TMEM132D: variants seen among roughly 807,000 people sequenced by gnomAD.
TMEM132D encodes the protein transmembrane protein 132D, also known as mature OL transmembrane protein.
In TMEM132D, 21 loss-of-function variants were observed where a neutral mutation model predicts 62.3. That is an observed-to-expected ratio of 0.34 (90% confidence interval 0.24 to 0.49). The LOEUF is 0.49. TMEM132D is among the 20% of genes least tolerant of loss of function. The probability of loss-of-function intolerance (pLI) is 0.99; values close to 1 mark genes in which losing one functional copy is unlikely to be tolerated. For synonymous variants in TMEM132D, 621 were observed against 575.6 expected (o/e 1.08, Z -1.13); for missense variants, 1,346 against 1,402.8 (o/e 0.96, Z 0.65).
chr12:129,699,722 G>C, intron 2 of TMEM132D, 88 bp downstream of exon 2: 1 of 1,520,448 alleles, frequency 6.6e-7, no homozygotes, highest in Admixed American at 1.8e-5. Context: ...TTCGGTGAGC[G>C]ATAACACAGC....
intron 3 of TMEM132D, among the ~76,000 whole-genome samples, chr12:129,455,320 A>C (rs912770987): frequency 6.6e-6 from 1 of 152,218 alleles, no homozygotes; most frequent in Non-Finnish European, 1.5e-5. Flanking sequence ...ATCCTTGGAC[A>C]AGGTACTTAA....
rs1243233053 is a variant in TMEM132D, at chr12:129,371,213, T to G, written c.1116-33396A>C. ...CTGACTAAGTTTTCAAAAATATTAC[T>G]TTTTAAATTATTGTTGTTACTGTGG... On this transcript the variant is annotated intron_variant, in intron 3 of 8. Coordinates refer to ENST00000422113, the MANE Select transcript of TMEM132D (RefSeq NM_133448.3). This position sits in a 1 kb window ranked among gnomAD's most constrained non-coding sequence, Gnocchi z 4.3. Among the ~76,000 whole-genome samples the G allele has an allele frequency of 1.3e-5, 2 of 152,160 alleles. No individual in the cohort carries two copies. The highest frequency in any genetic ancestry group is 2.4e-5 in the African/African-American group (1 of 41,444).
At chr12:129,789,464 T>C (rs1871339318) in intron 1 of TMEM132D, among the ~76,000 whole-genome samples, 1 of 152,168 alleles carries the variant, frequency 6.6e-6, no homozygotes, top group Non-Finnish European at 1.5e-5. Flanking sequence ...TGCAAAAATA[T>C]GGAACCAACC....
chr12:129,523,916 G>T (rs35760024), intron 3 of TMEM132D, among the ~76,000 whole-genome samples: 1 of 151,914 alleles, frequency 6.6e-6, no homozygotes, highest in Non-Finnish European at 1.5e-5. Context: ...ATTTACTGGG[G>T]CAAAACTCAG....
chr12:129,252,839 C>T (rs1290193592), intron 4 of TMEM132D, among the ~76,000 whole-genome samples: 12 of 151,970 alleles, frequency 7.9e-5, no homozygotes, highest in Non-Finnish European at 1.2e-4. Flanking sequence ...GGCACATATA[C>T]GCCATGGAAT....
chr12:129,613,604 G>A (rs985580801), intron 2 of TMEM132D, among the ~76,000 whole-genome samples: 2 of 152,226 alleles, frequency 1.3e-5, no homozygotes, highest in Admixed American at 6.5e-5. Context: ...GGAAGCATAC[G>A]GATGTGGCTA....
rs145352969 is a variant in TMEM132D at position 129,209,529 on chromosome 12, G to A, written c.1434C>T (p.Asp478=). The A allele has an allele frequency of 2.5e-3, 3,934 of 1,593,068 alleles. 10 individuals carry two copies. Among genetic ancestry groups the A allele is most frequent in the Non-Finnish European group, 3.2e-3 (3,764 of 1,171,384 alleles). Residue 478 remains aspartate (D), a synonymous_variant, in exon 5 of 9, where the codon GAC becomes GAT. Transcript: ENST00000422113. ...GGAGGTGTCAACTTGCCTTAATCAC[G>A]TCTTCATCAGACGATCTACACTCCA... ...ESVECRSSDE[D]VIKVSDRCDY...
chr12:129,094,719 A>G (rs1875041654), intron 5 of TMEM132D, among the ~76,000 whole-genome samples: 1 of 152,258 alleles, frequency 6.6e-6, no homozygotes, highest in Non-Finnish European at 1.5e-5. Flanking sequence ...GCTGCTATAA[A>G]GACACATGCA....
intron 3 of TMEM132D, among the ~76,000 whole-genome samples, chr12:129,465,150 G>T (rs1034057070): frequency 6.6e-6 from 1 of 152,086 alleles, no homozygotes; most frequent in Admixed American, 6.6e-5. Flanking sequence ...ATTTCATTGA[G>T]CAGTGAGTTG....
At chr12:129,560,433 A>G (rs958875145) in intron 2 of TMEM132D, among the ~76,000 whole-genome samples, 1 of 151,788 alleles carries the variant, frequency 6.6e-6, no homozygotes, top group African/African-American at 2.4e-5. Flanking sequence ...CCACCCAGCT[A>G]ATTTTTTTGT....
At position 129,206,855 on chromosome 12, in the gene TMEM132D, C is replaced by G. The variant is rs995117788; in HGVS notation, c.1443+2665G>C. On this transcript the variant is annotated intron_variant, in intron 5 of 8. Coordinates refer to ENST00000422113, the MANE Select transcript of TMEM132D (RefSeq NM_133448.3). ...TCCTAACTAATACAGGAATAGAAAACCAAATACTCCATGTTCTTGCTTACA... is the reference window on the plus strand; with the variant it reads ...TCCTAACTAATACAGGAATAGAAAAGCAAATACTCCATGTTCTTGCTTACA... Among the ~76,000 whole-genome samples the G allele has an allele frequency of 3.3e-5, 5 of 152,022 alleles. No homozygotes were observed. The South Asian group carries it at 8.3e-4, about 25-fold the overall frequency.
chr12:129,889,857 ATC>A (rs769987713), intron 1 of TMEM132D, among the ~76,000 whole-genome samples: 3 of 152,210 alleles, frequency 2.0e-5, no homozygotes, highest in African/African-American at 4.8e-5. Flanking sequence ...GTAAGAACCT[ATC>A]TAGAAAAATC....
chr12:129,429,458 G>T (rs1208455445), intron 3 of TMEM132D, among the ~76,000 whole-genome samples: 3 of 151,988 alleles, frequency 2.0e-5, no homozygotes, highest in Non-Finnish European at 4.4e-5. Context: ...CAAAGAAGAG[G>T]CCCCCCCAGG....
intron 4 of TMEM132D, among the ~76,000 whole-genome samples, chr12:129,280,973 G>T (rs189080090): frequency 6.6e-6 from 1 of 151,138 alleles, no homozygotes; most frequent in Admixed American, 6.6e-5. Context: ...ACAATATTTT[G>T]AAATTTATTT....
At chr12:129,134,498 A>G (rs1876497580) in intron 5 of TMEM132D, among the ~76,000 whole-genome samples, 1 of 152,078 alleles carries the variant, frequency 6.6e-6, no homozygotes, top group Non-Finnish European at 1.5e-5. Context: ...ATTGACCTCG[A>G]TGGGGGTGGA....
intron 6 of TMEM132D, 64 bp from the exon 7 acceptor site, chr12:129,082,096 T>C (rs1874472931): frequency 6.5e-7 from 1 of 1,529,846 alleles, no homozygotes; most frequent in African/African-American, 1.4e-5. Context: ...GGGCCGTGTG[T>C]GGAGCCTGGT....
chr12:129,468,792 T>G (rs1874003791), intron 3 of TMEM132D, among the ~76,000 whole-genome samples: 1 of 152,256 alleles, frequency 6.6e-6, no homozygotes, highest in South Asian at 2.1e-4. Context: ...TATTTCTAAG[T>G]GCTCCAAGCT....
intron 3 of TMEM132D, among the ~76,000 whole-genome samples, chr12:129,461,321 T>C (rs1446614730): frequency 6.6e-6 from 1 of 152,068 alleles, no homozygotes; most frequent in African/African-American, 2.4e-5. Flanking sequence ...TATACAATTG[T>C]ACCTGAGAAT....
chr12:129,853,704 T>G (rs1169320845), intron 1 of TMEM132D: 1 of 152,166 alleles, frequency 6.6e-6, no homozygotes, highest in Non-Finnish European at 1.5e-5. Context: ...AGACAGCTCC[T>G]GTGTAGTCGG....
Sources: allele counts gnomAD v4.1 joint callset (sites outside exome capture counted in the v4.1 genomes callset), GRCh38; gene constraint gnomAD v4.1.1; non-coding constraint Gnocchi (gnomAD v3.1); transcripts MANE v1.5; gene names NCBI Gene and HGNC (gene_info 2026-07-23, HGNC 2026-07-21).